CEP164: variants seen among roughly 807,000 people sequenced by gnomAD.
CEP164 encodes the protein centrosomal protein 164, also known as centrosomal protein of 164 kDa.
CEP164 carries 162 observed loss-of-function variants against 182.7 expected under a neutral mutation model. That is an observed-to-expected ratio of 0.89 (90% confidence interval 0.78 to 1.01). The LOEUF is 1.01. Among genes scored for constraint, CEP164 ranks in the 50% least tolerant of loss-of-function variants. CEP164 has a pLI of 0.00. For synonymous variants in CEP164, 661 were observed against 690.0 expected, an observed-to-expected ratio of 0.96 and a Z score of 0.66; for missense variants, 1,735 against 1,790.4, an observed-to-expected ratio of 0.97 and a Z score of 0.56.
At chr11:117,398,577 C>G (rs1829393803) in intron 27 of CEP164, among the ~76,000 whole-genome samples, 1 of 151,590 alleles carries the variant, frequency 6.6e-6, no homozygotes, top group Non-Finnish European at 1.5e-5. Context: ...CTAGGTGTTT[C>G]CATACATCTT....
intron 14 of CEP164, among the ~76,000 whole-genome samples, chr11:117,383,452 G>C (rs1361765570): frequency 6.6e-6 from 1 of 152,204 alleles, no homozygotes; most frequent in Non-Finnish European, 1.5e-5. Context: ...GTTCTGGCCT[G>C]TGAGCTCCAA....
At chr11:117,390,657 A>AC in intron 15 of CEP164, 120 bp from the exon 16 acceptor site, 2 of 1,061,676 alleles carry the variant, frequency 1.9e-6, no homozygotes. Context: ...AAAAAAAAAA[A>AC]GATTTAGGAA....
intron 23 of CEP164, 71 bp from the exon 24 acceptor site, chr11:117,395,476 C>A: frequency 6.7e-7 from 1 of 1,500,690 alleles, no homozygotes; most frequent in Non-Finnish European, 9.0e-7. Context: ...TCCCTACCCT[C>A]TCGTGCTGTC....
chr11:117,349,671 A>G (rs1201379938), intron 4 of CEP164, among the ~76,000 whole-genome samples: 2 of 152,120 alleles, frequency 1.3e-5, no homozygotes, highest in South Asian at 2.1e-4. Flanking sequence ...TACTTAATCC[A>G]TTGTGAAATC....
intron 8 of CEP164, among the ~76,000 whole-genome samples, chr11:117,369,267 C>T (rs933141911): frequency 1.6e-4 from 24 of 152,242 alleles, no homozygotes; most frequent in Non-Finnish European, 2.4e-4. Flanking sequence ...AGTGCTAATT[C>T]GTTTATTCTT....
At chr11:117,387,032 G>A in intron 14 of CEP164, 171 bp from the exon 15 acceptor site, 4 of 636,956 alleles carry the variant, frequency 6.3e-6, no homozygotes, top group Non-Finnish European at 8.3e-6. Context: ...TTGTCCTATG[G>A]AACAAGCATT....
intron 1 of CEP164, 90 bp from the exon 2 acceptor site, chr11:117,335,515 A>AGGAACCTTG (rs1008283277): frequency 1.3e-5 from 2 of 151,444 alleles, no homozygotes; most frequent in African/African-American, 2.4e-5. Flanking sequence ...AGGGGTCTCT[A>AGGAACCTTG]GGAACCTTGG....
intron 2 of CEP164, among the ~76,000 whole-genome samples, 162 bp from the exon 3 acceptor site, chr11:117,338,404 G>A (rs2037543127): frequency 6.6e-6 from 1 of 152,226 alleles, no homozygotes; most frequent in Admixed American, 6.5e-5. Flanking sequence ...GCCTTGAGTT[G>A]TTGGTTTCAC....
intron 5 of CEP164, chr11:117,356,343 G>C (rs2040290255): frequency 1.7e-6 from 2 of 1,164,670 alleles, no homozygotes; most frequent in Non-Finnish European, 2.2e-6. Flanking sequence ...CACAGCGCCA[G>C]CACAGTCTGT....
At chr11:117,358,758 C>A (rs2040594448) in intron 5 of CEP164, among the ~76,000 whole-genome samples, 1 of 151,804 alleles carries the variant, frequency 6.6e-6, no homozygotes, top group Non-Finnish European at 1.5e-5. Context: ...GGTCTTGTAC[C>A]CCTGGCCTAA....
Position 117,411,769 on chromosome 11 carries a change from C to G in CEP164, c.4164-26C>G. ...CACTTCCGCGCCTCCTCTCTCCCCT[C>G]GCCATGCTCTCCTCTTCCTTCCCAG... On this transcript the variant is annotated intron_variant, in intron 31 of 32. Transcript: ENST00000278935. The surrounding 1 kb of genome is among the most constrained non-coding windows in gnomAD (Gnocchi z 4.4). 1.2e-6 allele frequency: 2 copies of G among 1,613,642 alleles called. No homozygotes were observed. The highest frequency in any genetic ancestry group is 1.1e-5 in the South Asian group (1 of 90,954).
At chr11:117,326,599 C>T (rs1335079373), upstream of CEP164, among the ~76,000 whole-genome samples, 3 of 152,162 alleles carry the variant, frequency 2.0e-5, no homozygotes, top group Admixed American at 6.5e-5. Context: ...GGTATTCATG[C>T]GTGAGAACCC....
At chr11:117,357,152 C>T (rs2040399960) in intron 5 of CEP164, among the ~76,000 whole-genome samples, 1 of 152,034 alleles carries the variant, frequency 6.6e-6, no homozygotes, top group Non-Finnish European at 1.5e-5. Flanking sequence ...GGCTGGAGTG[C>T]AGTGGATCTT....
In CEP164 at chr11:117,411,020, C is replaced by T. The variant is rs1448373195; in HGVS notation, c.4163+126C>T. Reference sequence around the variant, plus strand: ...TCTTACCCCAAGAAATCAGGCAGGCCTCTAGTCCACAGAGCTGTCCCCGCT... The same window carrying T: ...TCTTACCCCAAGAAATCAGGCAGGCTTCTAGTCCACAGAGCTGTCCCCGCT... On this transcript the variant is annotated intron_variant, in intron 31 of 32. Coordinates refer to ENST00000278935, the MANE Select transcript of CEP164 (RefSeq NM_014956.5). This position sits in a 1 kb window ranked among gnomAD's most constrained non-coding sequence, Gnocchi z 4.4. 4 of 827,096 alleles carry T rather than the reference C, an allele frequency of 4.8e-6. No homozygotes were observed. The highest frequency in any genetic ancestry group is 3.1e-4 in the Middle Eastern group (1 of 3,204). 51.2% of individuals were successfully genotyped at this position (827,096 alleles called of 1,614,324 possible). A position where few individuals can be genotyped will look rare whatever the true frequency, so the allele number is the denominator to read the frequency against.
At chr11:117,348,005 T>G (rs1344885660) in intron 4 of CEP164, among the ~76,000 whole-genome samples, 3 of 152,156 alleles carry the variant, frequency 2.0e-5, no homozygotes, top group Non-Finnish European at 4.4e-5. Context: ...AGTCTTGCTC[T>G]GTCGCCCAGG....
chr11:117,336,697 G>GTTTTTAATGGCTGGGCC (rs2037184782), intron 2 of CEP164: 6 of 768,668 alleles, frequency 7.8e-6, no homozygotes, highest in East Asian at 7.7e-5. Context: ...AGATCCTGAT[G>GTTTTTAATGGCTGGGCC]TTTTTAATGG....
intron 6 of CEP164, 66 bp from the exon 7 acceptor site, chr11:117,362,338 G>GCATTCTAAAGGT: frequency 6.6e-7 from 1 of 1,526,332 alleles, no homozygotes; most frequent in Non-Finnish European, 8.9e-7. Flanking sequence ...GTGGGGAGGA[G>GCATTCTAAAGGT]CATTCTAAAG....
At chr11:117,325,139 CG>C (rs1565379334), upstream of CEP164, among the ~76,000 whole-genome samples, 1 of 152,048 alleles carries the variant, frequency 6.6e-6, no homozygotes, top group Non-Finnish European at 1.5e-5. Flanking sequence ...GGCTGGAGTG[CG>C]GTGGCGTGAT....
chr11:117,394,889 T>C lies in CEP164; in HGVS notation c.2761-31T>C, dbSNP rs2045235113. 1.2e-6 allele frequency: 2 copies of C among 1,608,922 alleles called. No homozygotes were observed. Among genetic ancestry groups the C allele is most frequent in the Non-Finnish European group, 1.7e-6 (2 of 1,175,624 alleles). On this transcript the variant is annotated intron_variant, in intron 21 of 32. Coordinates refer to ENST00000278935, the MANE Select transcript of CEP164 (RefSeq NM_014956.5). This position sits in a 1 kb window ranked among gnomAD's most constrained non-coding sequence, Gnocchi z 4.0. ...CCCTCAGCTAATGCCTTACACTCTT[T>C]CTATGCTTATGTGTTTCCCTTTCTG...
Sources: allele counts gnomAD v4.1 joint callset (sites outside exome capture counted in the v4.1 genomes callset), GRCh38; gene constraint gnomAD v4.1.1; non-coding constraint Gnocchi (gnomAD v3.1); transcripts MANE v1.5; gene names NCBI Gene and HGNC (gene_info 2026-07-23, HGNC 2026-07-21).